Variants in DLG2 observed in about 807,000 individuals in gnomAD.
DLG2 encodes disks large homolog 2.
A neutral mutation model predicts 132.5 loss-of-function variants in DLG2; 45 were observed. The observed-to-expected ratio is 0.34, with a 90% CI of 0.27 to 0.44. DLG2 has a LOEUF of 0.44. Among genes scored for constraint, DLG2 ranks in the 20% least tolerant of loss-of-function variants. DLG2 has a pLI of 1.00. For missense variants in DLG2, 1,045 were observed against 1,196.9 expected (o/e 0.87, Z 1.87); for synonymous variants, 424 against 419.6 (o/e 1.01, Z -0.13).
intron 6 of DLG2, among the ~76,000 whole-genome samples, chr11:84,717,847 A>G (rs1303368550): frequency 6.6e-6 from 1 of 152,072 alleles, no homozygotes; most frequent in Admixed American, 6.5e-5. Context: ...TTTAACTGTT[A>G]TTTCTCACAA....
At chr11:84,934,622 G>C (rs1024297953) in intron 6 of DLG2, among the ~76,000 whole-genome samples, 6 of 140,588 alleles carry the variant, frequency 4.3e-5, no homozygotes, top group Non-Finnish European at 7.6e-5. Context: ...GGAATATTAT[G>C]AATACCTCTA....
At chr11:85,311,374 C>A (rs562647612) in intron 3 of DLG2, among the ~76,000 whole-genome samples, 1 of 152,220 alleles carries the variant, frequency 6.6e-6, no homozygotes, top group African/African-American at 2.4e-5. Context: ...CTGTTATCAG[C>A]CTTATTTACA....
At chr11:84,301,540 TC>T (rs1406085477) in intron 7 of DLG2, among the ~76,000 whole-genome samples, 2 of 148,844 alleles carry the variant, frequency 1.3e-5, no homozygotes, top group East Asian at 4.0e-4. Flanking sequence ...GCGCCTATAG[TC>T]CCAGCTACTC....
At position 85,506,095 on chromosome 11, in the gene DLG2, T is replaced by C. The variant is rs186927034; in HGVS notation, c.40+92562A>G. On this transcript the variant is annotated intron_variant, in intron 3 of 27. Transcript: ENST00000376104. ...CTTTATCATTTTTTATTGTGTCTAT[T>C]TGATTTTTCTCTCTTTTCTTCTTTA... Among the ~76,000 whole-genome samples the C allele has an allele frequency of 8.7e-3, 1,330 of 152,344 alleles. 15 individuals carry two copies. The highest frequency in any genetic ancestry group is 0.019 in the South Asian group (94 of 4,824).
intron 7 of DLG2, among the ~76,000 whole-genome samples, chr11:84,277,439 A>G (rs2097793102): frequency 6.6e-6 from 1 of 152,208 alleles, no homozygotes; most frequent in Admixed American, 6.5e-5. Flanking sequence ...GAAACTCTCA[A>G]AATATTAAGA....
chr11:83,962,393 TG>T (rs1262645428), intron 14 of DLG2, among the ~76,000 whole-genome samples: 1 of 152,046 alleles, frequency 6.6e-6, no homozygotes, highest in African/African-American at 2.4e-5. Context: ...GGAGGGAGTT[TG>T]GGGGAAATTT....
At chr11:84,081,287 T>G (rs539465860) in intron 10 of DLG2, among the ~76,000 whole-genome samples, 24 of 152,292 alleles carry the variant, frequency 1.6e-4, no homozygotes, top group Admixed American at 4.6e-4. Context: ...AAGGATGATT[T>G]ATACATTGTC....
chr11:84,557,738 C>T (rs2099414799), intron 6 of DLG2, among the ~76,000 whole-genome samples: 1 of 151,802 alleles, frequency 6.6e-6, no homozygotes, highest in South Asian at 2.1e-4. Flanking sequence ...AACAATACTG[C>T]TAAAAATCCT....
At chr11:84,017,965 C>G (rs1260375821) in intron 11 of DLG2, among the ~76,000 whole-genome samples, 1 of 152,008 alleles carries the variant, frequency 6.6e-6, no homozygotes, top group Admixed American at 6.6e-5. Context: ...TTTGTTTTCT[C>G]TTACTGCTTT....
At position 84,791,611 on chromosome 11, in the gene DLG2, T is replaced by G. The variant is rs116030793; in HGVS notation, c.358-256880A>C. 6.6e-3 allele frequency among the ~76,000 whole-genome samples: 998 copies of G among 152,304 alleles called. 12 individuals are homozygous for G. The highest frequency in any genetic ancestry group is 0.022 in the African/African-American group (912 of 41,552). On this transcript the variant is annotated intron_variant, in intron 6 of 27. Coordinates refer to ENST00000376104, the MANE Select transcript of DLG2 (RefSeq NM_001142699.3). ...TTTATGTTTTTGTGTTCTCTTAAAT[T>G]TCTTTCATCAGTGTTTTATACTTTT...
chr11:84,350,177 C>CT (rs1555518911), intron 7 of DLG2, among the ~76,000 whole-genome samples: 5 of 143,444 alleles, frequency 3.5e-5, no homozygotes, highest in Admixed American at 2.7e-4. Flanking sequence ...GACTTCGTCC[C>CT]CCCCCCCAAA....
chr11:84,241,503 C>A (rs892759920), intron 8 of DLG2, among the ~76,000 whole-genome samples: 1 of 152,088 alleles, frequency 6.6e-6, no homozygotes, highest in African/African-American at 2.4e-5. Flanking sequence ...TGTTTAACAA[C>A]ATGTGCTTTT....
intron 7 of DLG2, chr11:84,317,103 AC>A: frequency 6.2e-7 from 1 of 1,612,440 alleles, no homozygotes. Context: ...ATCCCATCGG[AC>A]CCCCGGCTGC....
chr11:85,000,446 G>T (rs754529933), intron 6 of DLG2, among the ~76,000 whole-genome samples: 4 of 152,068 alleles, frequency 2.6e-5, no homozygotes, highest in Non-Finnish European at 4.4e-5. Context: ...TTCCAATTTG[G>T]TAGTTTGGAC....
intron 6 of DLG2, among the ~76,000 whole-genome samples, chr11:85,036,406 T>G (rs2061439241): frequency 1.3e-5 from 2 of 152,210 alleles, no homozygotes; most frequent in African/African-American, 4.8e-5. Flanking sequence ...TGCCACATCT[T>G]CAACATTGGA....
chr11:83,627,482 C>G (rs111574273), intron 19 of DLG2, among the ~76,000 whole-genome samples: 8 of 151,952 alleles, frequency 5.3e-5, no homozygotes, highest in Non-Finnish European at 8.8e-5. Flanking sequence ...TCTGTCCTTG[C>G]GACAGTTTGC....
intron 6 of DLG2, among the ~76,000 whole-genome samples, chr11:84,714,038 A>G (rs1399786843): frequency 6.6e-6 from 1 of 152,154 alleles, no homozygotes; most frequent in Non-Finnish European, 1.5e-5. Context: ...CCAAAATAGT[A>G]CTGGGAAACT....
intron 18 of DLG2, among the ~76,000 whole-genome samples, chr11:83,665,587 G>C (rs1441589819): frequency 6.6e-6 from 1 of 152,208 alleles, no homozygotes; most frequent in African/African-American, 2.4e-5. Context: ...CAAAGGAAGA[G>C]AGATCGGAGA....
At chr11:85,473,476 A>G (rs1374591241) in intron 3 of DLG2, among the ~76,000 whole-genome samples, 1 of 152,220 alleles carries the variant, frequency 6.6e-6, no homozygotes, top group Non-Finnish European at 1.5e-5. Context: ...AAAGAACTAT[A>G]TTTTTTAAAA....
Sources: gnomAD v4.1 joint callset for allele counts (sites outside exome capture counted in the v4.1 genomes callset) on GRCh38, gnomAD v4.1.1 for gene constraint, MANE v1.5 for transcripts, NCBI Gene and HGNC (gene_info 2026-07-23, HGNC 2026-07-21) for gene names.